NIBAN1: variants seen among roughly 807,000 people sequenced by gnomAD.
NIBAN1 encodes niban apoptosis regulator 1, also known as protein Niban 1.
A neutral mutation model predicts 75.1 loss-of-function variants in NIBAN1; 81 were observed. The ratio of observed to expected loss-of-function variants is 1.08; its 90% confidence interval spans 0.90 to 1.30. NIBAN1 has a LOEUF of 1.30. Ranked by LOEUF, NIBAN1 falls within the 50% of genes most tolerant of loss-of-function variation. The pLI is 0.00. For missense variants in NIBAN1, 1,133 were observed against 1,128.1 expected, an observed-to-expected ratio of 1.00 and a Z score of -0.06; for synonymous variants, 436 against 424.8, an observed-to-expected ratio of 1.03 and a Z score of -0.32.
chr1:184,840,750 T>G (rs1655264711), intron 5 of NIBAN1, among the ~76,000 whole-genome samples: 1 of 150,640 alleles, frequency 6.6e-6, no homozygotes, highest in South Asian at 2.1e-4. Context: ...AGACATCCTG[T>G]ACCTAGGCAA....
intron 1 of NIBAN1, among the ~76,000 whole-genome samples, chr1:184,935,061 A>ATC (rs1208401537): frequency 6.6e-6 from 1 of 152,128 alleles, no homozygotes; most frequent in Non-Finnish European, 1.5e-5. Flanking sequence ...CAGAGCAAGA[A>ATC]TCTGTCTCAA....
chr1:184,947,452 G>T (rs191542910), intron 1 of NIBAN1, among the ~76,000 whole-genome samples: 3 of 152,350 alleles, frequency 2.0e-5, no homozygotes, highest in African/African-American at 7.2e-5. Flanking sequence ...AAAACATTTT[G>T]GGAGTAGATA....
chr1:184,829,143 T>A (rs749522144), intron 6 of NIBAN1, among the ~76,000 whole-genome samples: 1 of 152,148 alleles, frequency 6.6e-6, no homozygotes, highest in Non-Finnish European at 1.5e-5. Flanking sequence ...TCCAGTGATT[T>A]CTGATCTCTT....
chr1:184,843,295 G>T (rs543564550), intron 5 of NIBAN1, among the ~76,000 whole-genome samples: 1 of 152,040 alleles, frequency 6.6e-6, no homozygotes, highest in Non-Finnish European at 1.5e-5. Flanking sequence ...TGGATATGTG[G>T]ATTATAGCTT....
chr1:184,899,392 GTC>G, intron 1 of NIBAN1, 83 bp from the exon 2 acceptor site: 4 of 1,427,358 alleles, frequency 2.8e-6, no homozygotes, highest in South Asian at 2.4e-5. Context: ...CATCCCTCCA[GTC>G]TCTCTGTTTC....
At chr1:184,869,934 T>C (rs1656058763) in intron 5 of NIBAN1, among the ~76,000 whole-genome samples, 1 of 152,144 alleles carries the variant, frequency 6.6e-6, no homozygotes, top group African/African-American at 2.4e-5. Context: ...AGTAATACAA[T>C]TTGAGAAAAA....
chr1:184,852,365 G>C (rs995949742), intron 5 of NIBAN1, among the ~76,000 whole-genome samples: 1 of 152,126 alleles, frequency 6.6e-6, no homozygotes, highest in Non-Finnish European at 1.5e-5. Context: ...ACACAAGTGT[G>C]CCTGTGTCAT....
At position 184,808,117 on chromosome 1, in the gene NIBAN1, T is replaced by A. The variant is rs151070264; in HGVS notation, c.1292A>T (p.His431Leu). 1.7e-5 allele frequency: 27 copies of A among 1,613,780 alleles called. No individual in the cohort carries two copies. In the African/African-American group the frequency reaches 3.2e-4, roughly 19 times the overall value. ...QDLKSRFRFP[H>L]IDLVVQRTQN... ...TGTCCTCTGAACCACCAGATCAATG[T>A]GGGGGAATCTGAAGCGGCTCTTGAG... Residue 431 changes from histidine (H) to leucine (L), a missense_variant, in exon 10 of 14, where the codon CAC becomes CTC. By Grantham distance (99) the His-to-Leu change is moderately conservative. Coordinates refer to ENST00000367511, the MANE Select transcript of NIBAN1 (RefSeq NM_052966.4).
intron 5 of NIBAN1, among the ~76,000 whole-genome samples, chr1:184,843,584 C>T (rs754445640): frequency 2.0e-5 from 3 of 152,256 alleles, no homozygotes; most frequent in South Asian, 2.1e-4. Context: ...CCATAGCCAC[C>T]GGAGCAAAGT....
At chr1:184,832,149 G>C (rs1010669310) in intron 5 of NIBAN1, among the ~76,000 whole-genome samples, 187 bp from the exon 6 acceptor site, 6 of 152,176 alleles carry the variant, frequency 3.9e-5, no homozygotes, top group Non-Finnish European at 8.8e-5. Context: ...CACACTACTT[G>C]TTCATCGTCC....
chr1:184,943,579 T>A (rs1447936748), intron 1 of NIBAN1, among the ~76,000 whole-genome samples: 4 of 127,866 alleles, frequency 3.1e-5, no homozygotes, highest in Non-Finnish European at 5.0e-5. Flanking sequence ...CATATCTTGC[T>A]GCTTGAATAT....
chr1:184,804,464 A>G (rs1654133113), intron 11 of NIBAN1, among the ~76,000 whole-genome samples: 1 of 152,190 alleles, frequency 6.6e-6, no homozygotes, highest in Admixed American at 6.5e-5. Context: ...GCCTAACATG[A>G]GAAAGCATGT....
At chr1:184,820,883 G>C (rs891526799) in intron 8 of NIBAN1, among the ~76,000 whole-genome samples, 3 of 152,212 alleles carry the variant, frequency 2.0e-5, no homozygotes, top group African/African-American at 7.2e-5. Context: ...TACAACTCTG[G>C]AAGTGGCCCC....
chr1:184,831,786 A>T (rs994403840), intron 6 of NIBAN1, 61 bp downstream of exon 6: 2 of 1,171,334 alleles, frequency 1.7e-6, no homozygotes, highest in Non-Finnish European at 2.5e-6. Context: ...AATGACCCTG[A>T]CTTCGTATCA....
intron 1 of NIBAN1, among the ~76,000 whole-genome samples, chr1:184,938,567 G>A (rs769226617): frequency 2.6e-5 from 4 of 151,872 alleles, no homozygotes; most frequent in South Asian, 4.1e-4. Context: ...AGCAAACTGG[G>A]ACATAAATAC....
At chr1:184,890,302 A>T (rs1656634666) in intron 3 of NIBAN1, 80 bp from the exon 4 acceptor site, 1 of 915,244 alleles carries the variant, frequency 1.1e-6, no homozygotes, top group South Asian at 1.4e-5. Flanking sequence ...TAACAAATAG[A>T]CAGATTCAGA....
intron 8 of NIBAN1, 119 bp from the exon 9 acceptor site, chr1:184,818,944 A>C: frequency 6.8e-5 from 77 of 1,134,966 alleles, no homozygotes; most frequent in Non-Finnish European, 8.4e-5. Context: ...AGGCAAGCTC[A>C]AGAGGCCATG....
chr1:184,910,945 C>T (rs888444473), intron 1 of NIBAN1, among the ~76,000 whole-genome samples: 1 of 152,142 alleles, frequency 6.6e-6, no homozygotes. Flanking sequence ...GGGTCTCCAG[C>T]CTGCTAGCTT....
intron 1 of NIBAN1, among the ~76,000 whole-genome samples, chr1:184,932,226 T>C (rs1290014441): frequency 6.6e-6 from 1 of 152,214 alleles, no homozygotes. Flanking sequence ...TGTATTACAC[T>C]TATTGTGTAC....
Sources: allele counts gnomAD v4.1 joint callset (sites outside exome capture counted in the v4.1 genomes callset), GRCh38; gene constraint gnomAD v4.1.1; transcripts MANE v1.5; gene names NCBI Gene and HGNC (gene_info 2026-07-23, HGNC 2026-07-21).